Variants in FNBP1 observed in about 807,000 individuals in gnomAD.
FNBP1 encodes formin-binding protein 1.
FNBP1 carries 26 observed loss-of-function variants against 90.6 expected under a neutral mutation model. The ratio of observed to expected loss-of-function variants is 0.29; its 90% CI spans 0.21 to 0.40. FNBP1 has a LOEUF of 0.40. Ranked by LOEUF, FNBP1 falls within the 10% of genes least tolerant of loss-of-function variation. The probability of loss-of-function intolerance (pLI) is 1.00; values close to 1 mark genes in which losing one functional copy is unlikely to be tolerated. For synonymous variants in FNBP1, 260 were observed against 265.2 expected (o/e 0.98, Z 0.19); for missense variants, 635 against 768.0 (o/e 0.83, Z 2.05).
chr9:130,049,080 G>C, the FNBP1 span, among the ~76,000 whole-genome samples: 1 of 149,398 alleles, frequency 6.7e-6, no homozygotes, highest in Non-Finnish European at 1.5e-5. Flanking sequence ...CTCCCGGCCA[G>C]TTTCCTCTTC....
intron 10 of FNBP1, chr9:129,919,279 T>A: frequency 9.2e-7 from 1 of 1,091,766 alleles, no homozygotes; most frequent in South Asian, 1.3e-5. Flanking sequence ...ATAAAATAAA[T>A]AAAATTAACC....
At chr9:130,009,832 G>A (rs563825242) in intron 1 of FNBP1, among the ~76,000 whole-genome samples, 67 of 151,810 alleles carry the variant, frequency 4.4e-4, no homozygotes, top group African/African-American at 1.6e-3. Flanking sequence ...AATTAGCCTG[G>A]CATGGCGGCA....
chr9:130,046,703 G>C (rs1448106762), upstream of FNBP1, among the ~76,000 whole-genome samples: 1 of 150,288 alleles, frequency 6.7e-6, no homozygotes, highest in Non-Finnish European at 1.5e-5. Flanking sequence ...AGGAGGCGGA[G>C]GGTGCGGTGA....
At chr9:130,034,949 C>G (rs1302798509) in intron 1 of FNBP1, among the ~76,000 whole-genome samples, 4 of 152,108 alleles carry the variant, frequency 2.6e-5, no homozygotes, top group African/African-American at 9.7e-5. Context: ...GAGTTCAAGG[C>G]CAGCCTGGGC....
intron 2 of FNBP1, among the ~76,000 whole-genome samples, chr9:129,980,082 C>T (rs931343416): frequency 7.3e-5 from 11 of 150,470 alleles, no homozygotes; most frequent in Middle Eastern, 3.3e-3. Flanking sequence ...GAGTGCCGGC[C>T]GGGCACAGTG....
rs183156122 is a variant in FNBP1 at position 130,031,488 on chromosome 9, G to T, written c.24+11464C>A. On this transcript the variant is annotated intron_variant, in intron 1 of 16. Coordinates refer to ENST00000446176, the MANE Select transcript of FNBP1 (RefSeq NM_015033.3). This position sits in a 1 kb window ranked among gnomAD's most constrained non-coding sequence, Gnocchi z 4.2. ...CATACCATTTCCTCCTTCTTTTCCC[G>T]GAAGGCTCTGTCCAGATCCCCTCCA... Among the ~76,000 whole-genome samples the T allele has an allele frequency of 6.6e-5, 10 of 152,036 alleles. No homozygotes were observed. In the East Asian group the frequency reaches 1.7e-3, roughly 26 times the overall value.
chr9:129,941,071 A>G (rs1168630814), intron 6 of FNBP1, among the ~76,000 whole-genome samples: 22 of 152,190 alleles, frequency 1.4e-4, no homozygotes, highest in Non-Finnish European at 2.8e-4. Context: ...AGAAAGCAAA[A>G]TATCTACAAA....
rs1008093838 is a variant in FNBP1, at chr9:129,890,466, C to A, written c.*73G>T. On this transcript the variant is annotated 3_prime_UTR_variant, in exon 17 of 17. Coordinates refer to ENST00000446176, the MANE Select transcript of FNBP1 (RefSeq NM_015033.3). This position sits in a 1 kb window ranked among gnomAD's most constrained non-coding sequence, Gnocchi z 5.8. ...GGTGGGCTGTCCACAGGGCAGGGCG[C>A]TGGAGGCCTGTGGGAACAAGCAGAC... The A allele has an allele frequency of 2.3e-6, 3 of 1,326,664 alleles. No individual in the cohort carries two copies. Among genetic ancestry groups the A allele is most frequent in the Non-Finnish European group, 3.2e-6 (3 of 939,944 alleles). The allele number at this position is 1,326,664 out of a possible 1,614,324, so 82.2% of individuals were successfully genotyped here.
intron 6 of FNBP1, among the ~76,000 whole-genome samples, chr9:129,934,022 A>G (rs1225672082): frequency 6.6e-6 from 1 of 152,218 alleles, no homozygotes; most frequent in Non-Finnish European, 1.5e-5. Flanking sequence ...TCAATTACTC[A>G]TTATGACAAA....
chr9:129,964,042 C>G (rs1429596764), intron 4 of FNBP1, among the ~76,000 whole-genome samples: 1 of 152,136 alleles, frequency 6.6e-6, no homozygotes, highest in African/African-American at 2.4e-5. Flanking sequence ...TGCTCTGTGC[C>G]TACCATGACC....
intron 1 of FNBP1, among the ~76,000 whole-genome samples, chr9:130,006,648 C>T (rs979939668): frequency 1.4e-4 from 21 of 151,894 alleles, no homozygotes; most frequent in African/African-American, 4.4e-4. Context: ...CCAGCCTGGG[C>T]GACAGAGGAA....
At chr9:129,997,281 T>C (rs888291439) in intron 1 of FNBP1, among the ~76,000 whole-genome samples, 1 of 152,054 alleles carries the variant, frequency 6.6e-6, no homozygotes, top group African/African-American at 2.4e-5. Context: ...TGAGTCAAGA[T>C]CACACCATTG....
rs528372888 is a variant in FNBP1 at position 129,940,408 on chromosome 9, T to C, written c.514-10713A>G. 3.3e-4 allele frequency among the ~76,000 whole-genome samples: 50 copies of C among 152,162 alleles called. No individual in the cohort carries two copies. In the Middle Eastern group the frequency reaches 0.01, roughly 31 times the overall value. The stretch of plus-strand genomic sequence containing the variant: ...GAAATTTTAAAATTCAATAGATGAG[T>C]TAAATAGAATAATTTGAAGAGACTT... On this transcript the variant is annotated intron_variant, in intron 6 of 16. Coordinates refer to ENST00000446176, the MANE Select transcript of FNBP1 (RefSeq NM_015033.3).
At chr9:129,979,202 T>G in intron 3 of FNBP1, 116 bp downstream of exon 3, 1 of 607,026 alleles carries the variant, frequency 1.6e-6, no homozygotes, top group Non-Finnish European at 2.9e-6. Context: ...ATTTAAAAAC[T>G]GACACAAAAT....
At chr9:129,906,922 G>A (rs868030553) in intron 12 of FNBP1, among the ~76,000 whole-genome samples, 83 of 152,088 alleles carry the variant, frequency 5.5e-4, no homozygotes, top group African/African-American at 2.0e-3. Flanking sequence ...TGGGATTACA[G>A]GCACACACCA....
chr9:130,005,420 C>T (rs920988231), intron 1 of FNBP1, among the ~76,000 whole-genome samples: 24 of 149,542 alleles, frequency 1.6e-4, no homozygotes, highest in African/African-American at 4.4e-4. Flanking sequence ...CAGCTCACTG[C>T]GACCTCCGCC....
intron 11 of FNBP1, among the ~76,000 whole-genome samples, chr9:129,915,149 A>G (rs1239946690): frequency 6.6e-6 from 1 of 151,950 alleles, no homozygotes; most frequent in Non-Finnish European, 1.5e-5. Context: ...CAACATATCT[A>G]CGTCGCACCA....
rs1285270473 is a variant in FNBP1 at position 130,042,674 on chromosome 9, G to A, written c.24+278C>T. On this transcript the variant is annotated intron_variant, in intron 1 of 16. Transcript: ENST00000446176. The surrounding 1 kb of genome is among the most constrained non-coding windows in gnomAD (Gnocchi z 5.5). ...CGGCCCGACACACACGGCCCGCTCC[G>A]GGGCGCCGGGGACAGGGAGGCCCGC... Among the ~76,000 whole-genome samples, 1 of 151,548 alleles carries A rather than the reference G, an allele frequency of 6.6e-6. No individual in the cohort carries two copies. The highest frequency in any genetic ancestry group is 1.5e-5 in the Non-Finnish European group (1 of 67,802).
chr9:129,999,979 T>C (rs1426769889), intron 1 of FNBP1, among the ~76,000 whole-genome samples: 1 of 152,168 alleles, frequency 6.6e-6, no homozygotes, highest in Non-Finnish European at 1.5e-5. Flanking sequence ...CAAAGGACAC[T>C]TCAAGGCCCT....
Sources: gnomAD v4.1 joint callset for allele counts (sites outside exome capture counted in the v4.1 genomes callset) on GRCh38, gnomAD v4.1.1 for gene constraint, Gnocchi (gnomAD v3.1) non-coding constraint, MANE v1.5 for transcripts, NCBI Gene and HGNC (gene_info 2026-07-23, HGNC 2026-07-21) for gene names.